The following ROBO2 variants were observed in gnomAD, a reference collection of about 807,000 sequenced individuals.
ROBO2 encodes the protein roundabout guidance receptor 2, also known as roundabout homolog 2.
Under a neutral mutation model 160.8 loss-of-function variants are expected in ROBO2, and 53 were observed. That is an observed-to-expected ratio of 0.33 (90% CI 0.26 to 0.41). The LOEUF (loss-of-function observed/expected upper bound fraction) is 0.41. Among genes scored for constraint, ROBO2 ranks in the 10% least tolerant of loss-of-function variants. The pLI is 1.00. For synonymous variants in ROBO2, 664 were observed against 611.7 expected, an observed-to-expected ratio of 1.09 and a Z score of -1.26; for missense variants, 1,577 against 1,722.4, an observed-to-expected ratio of 0.92 and a Z score of 1.49.
At chr3:76,674,597 T>TACACACACACAC (rs1295641908) in intron 2 of ROBO2, among the ~76,000 whole-genome samples, 1 of 33,742 alleles carries the variant, frequency 3.0e-5, no homozygotes, top group African/African-American at 7.2e-5. Flanking sequence ...CACCTCCTAG[T>TACACACACACAC]TCACACACAC....
intron 23 of ROBO2, 85 bp downstream of exon 24, chr3:77,622,517 T>G: frequency 9.5e-7 from 1 of 1,049,830 alleles, no homozygotes; most frequent in Non-Finnish European, 1.5e-6. Flanking sequence ...TATTGTAAGA[T>G]TTATTCCACT....
intron 2 of ROBO2, among the ~76,000 whole-genome samples, chr3:77,018,140 T>A (rs143999058): frequency 6.6e-6 from 1 of 152,320 alleles, no homozygotes; most frequent in Non-Finnish European, 1.5e-5. Flanking sequence ...TCTCACTCTG[T>A]CGCCCAGGCT....
intron 2 of ROBO2, among the ~76,000 whole-genome samples, chr3:76,712,993 TC>T (rs1192591573): frequency 3.3e-5 from 5 of 152,208 alleles, no homozygotes; most frequent in African/African-American, 1.2e-4. Flanking sequence ...TATCCAAGGC[TC>T]TGATATCTAA....
chr3:76,144,310 T>C (rs1164051010), intron 2 of ROBO2, among the ~76,000 whole-genome samples: 2 of 152,030 alleles, frequency 1.3e-5, no homozygotes, highest in African/African-American at 4.8e-5. Context: ...AAAAAAATGA[T>C]AGGCCTCGAT....
At chr3:76,750,763 G>T (rs913979986) in intron 2 of ROBO2, among the ~76,000 whole-genome samples, 23 of 152,192 alleles carry the variant, frequency 1.5e-4, no homozygotes, top group Middle Eastern at 3.4e-3. Flanking sequence ...TCTTCAAGGA[G>T]AATTAGAAAC....
At chr3:77,267,021 G>A (rs1580499967) in intron 2 of ROBO2, among the ~76,000 whole-genome samples, 1 of 151,946 alleles carries the variant, frequency 6.6e-6, no homozygotes, top group African/African-American at 2.4e-5. Flanking sequence ...GTGGGTTATC[G>A]ACAGCTAGAC....
intron 22 of ROBO2, 127 bp downstream of exon 23, chr3:77,617,900 T>A: frequency 1.0e-6 from 1 of 971,108 alleles, no homozygotes; most frequent in Non-Finnish European, 1.5e-6. Context: ...TATGACTCCT[T>A]AATCATTTAG....
chr3:76,716,200 G>C (rs1202972667), intron 2 of ROBO2, among the ~76,000 whole-genome samples: 1 of 152,146 alleles, frequency 6.6e-6, no homozygotes, highest in Non-Finnish European at 1.5e-5. Flanking sequence ...TATTGTCAAA[G>C]TAGATATGTT....
At chr3:77,643,566 T>C (rs746079547) in intron 24 of ROBO2, among the ~76,000 whole-genome samples, 3 of 152,158 alleles carry the variant, frequency 2.0e-5, no homozygotes, top group Non-Finnish European at 2.9e-5. Context: ...TTAGATTTTT[T>C]TGGGGGGAGA....
chr3:76,800,138 T>C (rs894472082), intron 2 of ROBO2, among the ~76,000 whole-genome samples: 6 of 152,180 alleles, frequency 3.9e-5, no homozygotes, highest in Non-Finnish European at 5.9e-5. Context: ...GTTTATTCAA[T>C]AAATAGTGCT....
intron 2 of ROBO2, among the ~76,000 whole-genome samples, chr3:76,134,676 CT>C (rs1395315448): frequency 6.6e-6 from 1 of 152,038 alleles, no homozygotes; most frequent in African/African-American, 2.4e-5. Context: ...AGCGTGCAGC[CT>C]TGTGACCCCT....
intron 2 of ROBO2, among the ~76,000 whole-genome samples, chr3:75,972,364 C>T (rs1426902767): frequency 6.6e-6 from 1 of 151,512 alleles, no homozygotes; most frequent in Non-Finnish European, 1.5e-5. Context: ...GGCCATTGAC[C>T]AGGACCTTGT....
At chr3:76,976,292 T>G (rs547288651) in intron 2 of ROBO2, among the ~76,000 whole-genome samples, 5 of 152,188 alleles carry the variant, frequency 3.3e-5, no homozygotes, top group Admixed American at 2.0e-4. Context: ...CAATACCCCA[T>G]AGTTAGGTCA....
At chr3:76,698,683 C>T (rs906397998) in intron 2 of ROBO2, among the ~76,000 whole-genome samples, 10 of 152,142 alleles carry the variant, frequency 6.6e-5, no homozygotes, top group South Asian at 2.1e-4. Context: ...AGATTTATAA[C>T]GTTTTCAAGA....
At chr3:77,258,373 A>T (rs942904581) in intron 2 of ROBO2, among the ~76,000 whole-genome samples, 1 of 152,162 alleles carries the variant, frequency 6.6e-6, no homozygotes, top group Non-Finnish European at 1.5e-5. Flanking sequence ...GTTACTTTTT[A>T]CCTAATTGTA....
chr3:76,789,835 A>G (rs1203081301), intron 2 of ROBO2, among the ~76,000 whole-genome samples: 1 of 151,662 alleles, frequency 6.6e-6, no homozygotes, highest in African/African-American at 2.4e-5. Context: ...ACAAAAATTA[A>G]CAAGTCCATG....
At chr3:76,807,459 A>G (rs987585828) in intron 2 of ROBO2, among the ~76,000 whole-genome samples, 4 of 152,108 alleles carry the variant, frequency 2.6e-5, no homozygotes, top group Non-Finnish European at 5.9e-5. Context: ...GACCTCCTGC[A>G]GACATGTTCA....
chr3:77,522,296 C>G (rs1181844518), intron 5 of ROBO2, among the ~76,000 whole-genome samples: 1 of 151,160 alleles, frequency 6.6e-6, no homozygotes, highest in African/African-American at 2.4e-5. Context: ...ATTCTTTTAA[C>G]TAATGCCCAT....
chr3:76,651,710 TA>T (rs1488086522), intron 2 of ROBO2, among the ~76,000 whole-genome samples: 1 of 152,292 alleles, frequency 6.6e-6, no homozygotes, highest in South Asian at 2.1e-4. Context: ...AATATGCCTT[TA>T]AAAAATTATT....
Sources: allele counts gnomAD v4.1 joint callset (sites outside exome capture counted in the v4.1 genomes callset), GRCh38; gene constraint gnomAD v4.1.1; transcripts MANE v1.5; gene names NCBI Gene and HGNC (gene_info 2026-07-23, HGNC 2026-07-21).